Variants in ZFHX3 observed in about 807,000 individuals in gnomAD.
ZFHX3 encodes the protein zinc finger homeobox 3, also known as zinc finger homeobox protein 3.
A neutral mutation model predicts 279.1 loss-of-function variants in ZFHX3; 42 were observed. That is an observed-to-expected ratio of 0.15 (90% CI 0.12 to 0.19). ZFHX3 has a LOEUF of 0.19. ZFHX3 is among the 10% of genes least tolerant of loss of function. The pLI is 1.00. For missense variants in ZFHX3, 4,981 were observed against 4,754.0 expected, an observed-to-expected ratio of 1.05 and a Z score of -1.40; for synonymous variants, 2,293 against 1,957.8, an observed-to-expected ratio of 1.17 and a Z score of -4.52.
intron 2 of ZFHX3, among the ~76,000 whole-genome samples, chr16:73,654,781 C>T (rs1368802863): frequency 6.7e-6 from 1 of 149,920 alleles, no homozygotes; most frequent in Non-Finnish European, 1.5e-5. Flanking sequence ...AAAGAGATAG[C>T]TTAGCAAACT....
intron 1 of ZFHX3, among the ~76,000 whole-genome samples, chr16:73,813,169 GTCTC>G (rs1008308807): frequency 6.6e-6 from 1 of 151,818 alleles, no homozygotes; most frequent in African/African-American, 2.4e-5. Context: ...ATCCCTCGCT[GTCTC>G]TCTGTCTTCT....
intron 3 of ZFHX3, among the ~76,000 whole-genome samples, chr16:72,928,214 AGGG>A (rs1959591269): frequency 5.9e-5 from 1 of 17,028 alleles, no homozygotes; most frequent in African/African-American, 3.2e-4. Flanking sequence ...GGGGGAGCGA[AGGG>A]GAGCGAGGGG....
intron 3 of ZFHX3, among the ~76,000 whole-genome samples, chr16:73,362,371 G>T (rs2016447743): frequency 6.6e-6 from 1 of 152,198 alleles, no homozygotes; most frequent in Non-Finnish European, 1.5e-5. Context: ...GACCACCCAT[G>T]GGATGGCCCA....
chr16:73,464,724 G>A (rs1420715873), intron 2 of ZFHX3, among the ~76,000 whole-genome samples: 1 of 152,178 alleles, frequency 6.6e-6, no homozygotes, highest in Non-Finnish European at 1.5e-5. Flanking sequence ...CTCAAATGCC[G>A]GCTGCCAATG....
At chr16:73,394,258 C>G (rs970367297) in intron 3 of ZFHX3, among the ~76,000 whole-genome samples, 3 of 147,554 alleles carry the variant, frequency 2.0e-5, no homozygotes, top group African/African-American at 7.5e-5. Flanking sequence ...TTTTTTGAGA[C>G]AGTCTCTGTC....
At chr16:73,465,030 C>T (rs10871310) in intron 2 of ZFHX3, among the ~76,000 whole-genome samples, 75,990 of 152,034 alleles carry the variant, frequency 0.5, 22,119 homozygotes, top group Non-Finnish European at 0.67. Flanking sequence ...AGCAGGCTGG[C>T]ACGATCATTA....
At chr16:73,860,797 C>T (rs956621922) in intron 1 of ZFHX3, among the ~76,000 whole-genome samples, 1 of 152,074 alleles carries the variant, frequency 6.6e-6, no homozygotes, top group African/African-American at 2.4e-5. Flanking sequence ...AAGACATTAG[C>T]CCAGCTTCAC....
chr16:73,009,389 A>G (rs1400033607), intron 1 of ZFHX3, among the ~76,000 whole-genome samples: 2 of 152,108 alleles, frequency 1.3e-5, no homozygotes, highest in African/African-American at 4.8e-5. Flanking sequence ...AACAGATTAC[A>G]TTGTATGTAA....
intron 2 of ZFHX3, among the ~76,000 whole-genome samples, chr16:73,532,315 C>CA (rs1367404329): frequency 2.0e-5 from 3 of 152,084 alleles, no homozygotes; most frequent in Non-Finnish European, 4.4e-5. Flanking sequence ...AGACCCTTTT[C>CA]GTTTGGCTCT....
intron 3 of ZFHX3, among the ~76,000 whole-genome samples, chr16:73,355,437 A>G (rs1328281469): frequency 6.6e-6 from 1 of 152,174 alleles, no homozygotes; most frequent in Admixed American, 6.5e-5. Flanking sequence ...CTCAAGCCAC[A>G]GACTCCTTCA....
chr16:73,617,409 T>C (rs1390943454), intron 2 of ZFHX3, among the ~76,000 whole-genome samples: 6 of 152,212 alleles, frequency 3.9e-5, no homozygotes, highest in African/African-American at 1.4e-4. Context: ...TGCAGGTACA[T>C]AGGTACCTAC....
chr16:73,125,057 G>A (rs1461379173), intron 7 of ZFHX3, among the ~76,000 whole-genome samples: 1 of 152,022 alleles, frequency 6.6e-6, no homozygotes, highest in Non-Finnish European at 1.5e-5. Context: ...CAAATGGAAG[G>A]TATCCAGCCC....
chr16:73,070,936 GCGCACACACA>G (rs1261676351), intron 8 of ZFHX3, among the ~76,000 whole-genome samples: 450 of 9,932 alleles, frequency 0.045, 1 homozygote, highest in Non-Finnish European at 0.12. Context: ...GCGCGCGCGC[GCGCACACACA>G]CACACACACA....
At chr16:73,694,393 G>C (rs574334416) in intron 1 of ZFHX3, among the ~76,000 whole-genome samples, 1 of 152,116 alleles carries the variant, frequency 6.6e-6, no homozygotes, top group Non-Finnish European at 1.5e-5. Context: ...GCCCAGGCTG[G>C]AGTTCAGTGG....
intron 2 of ZFHX3, among the ~76,000 whole-genome samples, chr16:73,523,714 C>T (rs2019646016): frequency 6.6e-6 from 1 of 150,722 alleles, no homozygotes; most frequent in South Asian, 2.1e-4. Flanking sequence ...TCTTTCACTT[C>T]TTCCTGAATT....
intron 3 of ZFHX3, among the ~76,000 whole-genome samples, chr16:73,377,688 G>T (rs1296455671): frequency 1.4e-5 from 2 of 148,004 alleles, no homozygotes; most frequent in Non-Finnish European, 1.5e-5. Context: ...ACTCCTTTGT[G>T]TTTTTTTTTT....
At chr16:73,196,297 G>T (rs1278106058) in intron 5 of ZFHX3, among the ~76,000 whole-genome samples, 2 of 151,972 alleles carry the variant, frequency 1.3e-5, no homozygotes, top group Admixed American at 1.3e-4. Context: ...GGGTGGTGGG[G>T]AGGGCCAGAT....
intron 1 of ZFHX3, among the ~76,000 whole-genome samples, chr16:73,717,378 C>T (rs1378260292): frequency 6.6e-6 from 1 of 152,094 alleles, no homozygotes; most frequent in Non-Finnish European, 1.5e-5. Context: ...TCCCTTTGTG[C>T]CAGAAGTTTC....
chr16:72,788,137 T>C lies in ZFHX3; in HGVS notation c.10139A>G (p.Gln3380Arg), dbSNP rs780296945. 8 of 1,603,178 alleles carry C rather than the reference T, an allele frequency of 5.0e-6. No individual in the cohort carries two copies. In the African/African-American group the frequency reaches 5.4e-5, roughly 11 times the overall value. Residue 3380 changes from glutamine to arginine, a missense_variant, in exon 10 of 10, where the codon CAG (glutamine) becomes CGG (arginine). Physicochemically the swap from Gln to Arg is conservative, Grantham distance 43. Around this residue, in one of 7 missense-constraint regions of ZFHX3, gnomAD observed 1,034 missense variants for 786.0 expected, o/e 1.32. Transcript: ENST00000268489. ...CTGCTGCTGCTGCTGTAGTTGCCGCTGCTGCTGCTGCTGAATTGCCTCCTG... is the reference window on the plus strand; with the variant it reads ...CTGCTGCTGCTGCTGTAGTTGCCGCCGCTGCTGCTGCTGAATTGCCTCCTG... ...SLQEAIQQQQ[Q>R]RQLQQQQQQK...
Sources: allele counts gnomAD v4.1 joint callset (sites outside exome capture counted in the v4.1 genomes callset), GRCh38; gene constraint gnomAD v4.1.1; regional missense constraint gnomAD v4.1.1; transcripts MANE v1.5; gene names NCBI Gene and HGNC (gene_info 2026-07-23, HGNC 2026-07-21).